Variants in ATP10B observed in about 807,000 individuals in gnomAD.
The protein encoded by ATP10B is ATPase phospholipid transporting 10B (putative).
A neutral mutation model predicts 141.2 loss-of-function variants in ATP10B; 122 were observed. That is an observed-to-expected ratio of 0.86 (90% CI 0.75 to 1.00). ATP10B has a LOEUF of 1.00. Among genes scored for constraint, ATP10B ranks in the 50% least tolerant of loss-of-function variants. ATP10B has a pLI of 0.00. For synonymous variants in ATP10B, 685 were observed against 692.0 expected, an observed-to-expected ratio of 0.99 and a Z score of 0.16; for missense variants, 1,876 against 1,825.3, an observed-to-expected ratio of 1.03 and a Z score of -0.51.
chr5:160,904,704 G>A, the ATP10B span, among the ~76,000 whole-genome samples: 4 of 152,188 alleles, frequency 2.6e-5, no homozygotes, highest in African/African-American at 7.2e-5. Context: ...CAGTTGGCAC[G>A]AAGCTGTACA....
At chr5:160,635,954 T>C (rs764420710) in intron 11 of ATP10B, among the ~76,000 whole-genome samples, 4 of 152,186 alleles carry the variant, frequency 2.6e-5, no homozygotes, top group Non-Finnish European at 4.4e-5. Flanking sequence ...AATATTTCCC[T>C]CCAGCTATTA....
At chr5:160,851,463 T>A (rs1753810418) in intron 1 of ATP10B, among the ~76,000 whole-genome samples, 1 of 152,164 alleles carries the variant, frequency 6.6e-6, no homozygotes, top group Non-Finnish European at 1.5e-5. Context: ...CAAAGGAAAG[T>A]CAAGCTTCCC....
chr5:160,571,351 C>G (rs1011828671), intron 24 of ATP10B, among the ~76,000 whole-genome samples: 1 of 152,110 alleles, frequency 6.6e-6, no homozygotes, highest in East Asian at 1.9e-4. Flanking sequence ...ACCATTGAAA[C>G]TTATAGTTAT....
At position 160,686,964 on chromosome 5, in the gene ATP10B, A is replaced by G. The variant is rs1335299348; in HGVS notation, c.276-691T>C. ...CTCAAAAGAGTTGCTGATGTTTTCA[A>G]GTTTTCCACGTGCATCTTGCTCTCT... On this transcript the variant is annotated intron_variant, in intron 5 of 25. Transcript: ENST00000327245. 3 of 985,320 alleles carry G rather than the reference A, an allele frequency of 3.0e-6. No individual in the cohort carries two copies. In the East Asian group the frequency reaches 3.4e-4, roughly 112 times the overall value. 61.0% of individuals were successfully genotyped at this position (985,320 alleles called of 1,614,324 possible).
chr5:160,790,171 T>C (rs1016375763), intron 1 of ATP10B, among the ~76,000 whole-genome samples: 1 of 152,168 alleles, frequency 6.6e-6, no homozygotes, highest in Non-Finnish European at 1.5e-5. Flanking sequence ...TCACCTTATT[T>C]TCTTTAAAGG....
intron 2 of ATP10B, among the ~76,000 whole-genome samples, chr5:160,743,954 G>A (rs575662117): frequency 6.6e-6 from 1 of 152,146 alleles, no homozygotes; most frequent in South Asian, 2.1e-4. Context: ...CCACAACAAA[G>A]AATTAACCAG....
intron 11 of ATP10B, among the ~76,000 whole-genome samples, chr5:160,635,779 A>C (rs1187894512): frequency 6.6e-6 from 1 of 152,180 alleles, no homozygotes; most frequent in Non-Finnish European, 1.5e-5. Flanking sequence ...ATGTTAAAAC[A>C]CTAACTCGTG....
chr5:160,864,078 A>C, the ATP10B span, among the ~76,000 whole-genome samples: 4 of 151,996 alleles, frequency 2.6e-5, no homozygotes, highest in African/African-American at 9.7e-5. Flanking sequence ...ATCCTCCCTA[A>C]GTTATTCTAT....
At chr5:160,727,140 T>C (rs1164971173) in intron 2 of ATP10B, among the ~76,000 whole-genome samples, 2 of 152,158 alleles carry the variant, frequency 1.3e-5, no homozygotes, top group Non-Finnish European at 2.9e-5. Context: ...AAAATAAACT[T>C]TCCAGATTAA....
chr5:160,807,603 A>G (rs2127941866), intron 1 of ATP10B, among the ~76,000 whole-genome samples: 1 of 152,348 alleles, frequency 6.6e-6, no homozygotes, highest in East Asian at 1.9e-4. Context: ...GTCCAATGAA[A>G]TAGAATGGAA....
At chr5:160,907,083 A>G in the ATP10B span, among the ~76,000 whole-genome samples, 1 of 152,130 alleles carries the variant, frequency 6.6e-6, no homozygotes, top group Non-Finnish European at 1.5e-5. Flanking sequence ...CTGTCAAAAT[A>G]CCCAGCCTTC....
chr5:160,596,346 T>C (rs1232046059), intron 22 of ATP10B, among the ~76,000 whole-genome samples: 1 of 151,766 alleles, frequency 6.6e-6, no homozygotes, highest in African/African-American at 2.4e-5. Context: ...TCAACAATGC[T>C]TCATGCTAAA....
chr5:160,850,651 T>C (rs534411048), intron 1 of ATP10B, among the ~76,000 whole-genome samples: 139 of 152,168 alleles, frequency 9.1e-4, no homozygotes, highest in Non-Finnish European at 1.7e-3. Flanking sequence ...CTTCAAAAGA[T>C]AAGGCTCATC....
chr5:160,800,891 T>C (rs574380076), intron 1 of ATP10B, among the ~76,000 whole-genome samples: 2 of 152,230 alleles, frequency 1.3e-5, no homozygotes, highest in African/African-American at 2.4e-5. Context: ...GAAATTTCCC[T>C]TTCATTTGAA....
chr5:160,731,793 G>A (rs766952544), intron 2 of ATP10B, among the ~76,000 whole-genome samples: 2 of 152,204 alleles, frequency 1.3e-5, no homozygotes, highest in Admixed American at 6.5e-5. Context: ...TCTATGCATG[G>A]ACGAGGCTCA....
chr5:160,787,856 C>T (rs1311516658), intron 1 of ATP10B, among the ~76,000 whole-genome samples: 1 of 152,106 alleles, frequency 6.6e-6, no homozygotes, highest in African/African-American at 2.4e-5. Context: ...CCCCATAGTC[C>T]GTATCCAGCT....
At chr5:160,611,899 C>T (rs1307015051) in intron 18 of ATP10B, 4 of 152,254 alleles carry the variant, frequency 2.6e-5, no homozygotes, top group African/African-American at 4.8e-5. Flanking sequence ...CTGATAGGAG[C>T]ACACAATCTC....
At chr5:160,797,314 C>G (rs144537001) in intron 1 of ATP10B, among the ~76,000 whole-genome samples, 86 of 152,262 alleles carry the variant, frequency 5.6e-4, no homozygotes, top group Middle Eastern at 3.4e-3. Context: ...CTTTTTGCAT[C>G]AGTACCAGCT....
intron 1 of ATP10B, among the ~76,000 whole-genome samples, chr5:160,786,802 T>A (rs981376225): frequency 3.3e-5 from 5 of 152,026 alleles, no homozygotes; most frequent in Admixed American, 2.6e-4. Flanking sequence ...GTGCTTTAGA[T>A]TTGGGCAGAA....
Sources: allele counts gnomAD v4.1 joint callset (sites outside exome capture counted in the v4.1 genomes callset), GRCh38; gene constraint gnomAD v4.1.1; transcripts MANE v1.5; gene names NCBI Gene and HGNC (gene_info 2026-07-23, HGNC 2026-07-21).